The following FRAS1 variants were observed in gnomAD, a reference collection of about 807,000 sequenced individuals.
FRAS1 encodes extracellular matrix organizing protein FRAS1.
In FRAS1, 290 loss-of-function variants were observed where a neutral mutation model predicts 435.2. The observed-to-expected ratio is 0.67, with a 90% CI of 0.61 to 0.73. The LOEUF is 0.73. Among genes scored for constraint, FRAS1 ranks in the 30% least tolerant of loss-of-function variants. The pLI is 0.00. For synonymous variants in FRAS1, 1,800 were observed against 1,851.0 expected (o/e 0.97, Z 0.71); for missense variants, 4,860 against 5,001.5 (o/e 0.97, Z 0.85).
chr4:78,078,352 A>G (rs558801420), intron 2 of FRAS1, among the ~76,000 whole-genome samples: 2 of 152,280 alleles, frequency 1.3e-5, no homozygotes, highest in African/African-American at 4.8e-5. Flanking sequence ...TATACATTTA[A>G]TACATATTAC....
intron 2 of FRAS1, among the ~76,000 whole-genome samples, chr4:78,078,345 A>G (rs1444630168): frequency 2.0e-5 from 3 of 152,182 alleles, no homozygotes; most frequent in African/African-American, 7.2e-5. Flanking sequence ...GTTTGTCTAT[A>G]CATTTAATAC....
At chr4:78,167,131 A>G (rs183898577) in intron 2 of FRAS1, among the ~76,000 whole-genome samples, 61 of 152,318 alleles carry the variant, frequency 4.0e-4, no homozygotes, top group African/African-American at 1.4e-3. Flanking sequence ...TTGAAAAATC[A>G]AGGTAGGAGA....
Position 78,542,865 on chromosome 4 carries a change from T to G in FRAS1, c.*1741T>G, listed in dbSNP as rs772863115. 5 of 152,178 alleles carry G rather than the reference T, an allele frequency of 3.3e-5. No individual in the cohort carries two copies. The highest frequency in any genetic ancestry group is 6.5e-5 in the Admixed American group (1 of 15,278). The allele number at this position is 152,178 out of a possible 1,614,324, so 9.4% of individuals were successfully genotyped here. A position where few individuals can be genotyped will look rare whatever the true frequency, so the allele number is the denominator to read the frequency against. ...AGGAGAGAGGAAAACAATTATCTTCTCTACTTGGATTATGAGATAACCTTT... is the reference window on the plus strand; with the variant it reads ...AGGAGAGAGGAAAACAATTATCTTCGCTACTTGGATTATGAGATAACCTTT... On this transcript the variant is annotated 3_prime_UTR_variant, in exon 74 of 74. Transcript: ENST00000512123.
chr4:78,304,405 T>C (rs553125092), intron 14 of FRAS1, among the ~76,000 whole-genome samples: 397 of 152,344 alleles, frequency 2.6e-3, no homozygotes, highest in South Asian at 0.013. Flanking sequence ...CTTTTTCTAT[T>C]GATTGGAATA....
chr4:78,160,338 C>T (rs1721084900), intron 2 of FRAS1, among the ~76,000 whole-genome samples: 1 of 152,156 alleles, frequency 6.6e-6, no homozygotes. Flanking sequence ...TTAATTGGGC[C>T]CTCATAGTGT....
chr4:78,211,830 T>C (rs1723518326), intron 2 of FRAS1, among the ~76,000 whole-genome samples: 1 of 152,206 alleles, frequency 6.6e-6, no homozygotes, highest in South Asian at 2.1e-4. Context: ...ACAGAATCCC[T>C]GTAACCATTA....
intron 2 of FRAS1, among the ~76,000 whole-genome samples, chr4:78,199,012 G>T (rs1444500112): frequency 6.6e-6 from 1 of 152,182 alleles, no homozygotes; most frequent in Non-Finnish European, 1.5e-5. Flanking sequence ...AGAGTTATAC[G>T]TGGATTTTTG....
intron 31 of FRAS1, among the ~76,000 whole-genome samples, chr4:78,410,311 T>C (rs979001545): frequency 6.6e-6 from 1 of 151,984 alleles, no homozygotes; most frequent in Admixed American, 6.6e-5. Context: ...AAAAATACTT[T>C]ATGATTATTA....
intron 2 of FRAS1, among the ~76,000 whole-genome samples, chr4:78,111,927 T>G (rs1742738784): frequency 6.6e-6 from 1 of 152,088 alleles, no homozygotes; most frequent in Non-Finnish European, 1.5e-5. Context: ...ACACTTCTGA[T>G]GACATTGTTT....
intron 2 of FRAS1, among the ~76,000 whole-genome samples, chr4:78,174,533 C>T (rs1426509646): frequency 1.3e-5 from 2 of 152,166 alleles, no homozygotes; most frequent in Non-Finnish European, 2.9e-5. Flanking sequence ...TGGGATATAA[C>T]CAGTATGGAA....
intron 60 of FRAS1, among the ~76,000 whole-genome samples, chr4:78,498,691 A>G (rs962255756): frequency 2.0e-5 from 3 of 152,094 alleles, no homozygotes; most frequent in Admixed American, 6.5e-5. Flanking sequence ...GCCATATTCT[A>G]TGATATACTC....
intron 2 of FRAS1, among the ~76,000 whole-genome samples, chr4:78,148,122 G>A (rs1578152673): frequency 1.3e-5 from 2 of 152,126 alleles, no homozygotes; most frequent in Non-Finnish European, 2.9e-5. Context: ...GAAATGAGGA[G>A]TTATTTGGGA....
At chr4:78,323,586 G>A (rs1466510967) in intron 18 of FRAS1, among the ~76,000 whole-genome samples, 1 of 152,162 alleles carries the variant, frequency 6.6e-6, no homozygotes, top group Admixed American at 6.5e-5. Context: ...ATCTAGATGA[G>A]GTCTGTAGGG....
Position 78,286,315 on chromosome 4 carries a change from G to T in FRAS1, c.1400-90G>T, listed in dbSNP as rs1438455370. ...TTCTGTTTGGGACCTGGAGCCTCAA[G>T]ATTGGGCTGTGTAAGCACTGGCATG... On this transcript the variant is annotated intron_variant, in intron 13 of 73. Coordinates refer to ENST00000512123, the MANE Select transcript of FRAS1 (RefSeq NM_025074.7). 3.4e-6 allele frequency: 5 copies of T among 1,462,036 alleles called. No individual in the cohort carries two copies. In the African/African-American group the frequency reaches 7.0e-5, roughly 20 times the overall value. 90.6% of individuals were successfully genotyped at this position (1,462,036 alleles called of 1,614,324 possible).
At chr4:78,530,592 C>CT (rs1721680588) in intron 70 of FRAS1, among the ~76,000 whole-genome samples, 1 of 151,960 alleles carries the variant, frequency 6.6e-6, no homozygotes, top group African/African-American at 2.4e-5. Context: ...ATGCAGAAAA[C>CT]TGAAACTGGA....
At chr4:78,213,916 G>A (rs556463749) in intron 2 of FRAS1, among the ~76,000 whole-genome samples, 2 of 152,294 alleles carry the variant, frequency 1.3e-5, no homozygotes, top group Admixed American at 1.3e-4. Flanking sequence ...AAACACTCAT[G>A]TGTATAATTC....
chr4:78,308,234 C>A, intron 15 of FRAS1, 25 bp downstream of exon 15: 1 of 1,604,292 alleles, frequency 6.2e-7, no homozygotes, highest in Non-Finnish European at 8.5e-7. Flanking sequence ...GCGATGCTGA[C>A]GTGTCCTTTC....
intron 41 of FRAS1, among the ~76,000 whole-genome samples, chr4:78,443,137 C>G (rs1242880827): frequency 6.6e-6 from 1 of 152,128 alleles, no homozygotes; most frequent in Non-Finnish European, 1.5e-5. Flanking sequence ...TCGCTTGAGT[C>G]CATGTATTTG....
At chr4:78,518,893 T>G (rs1458057995) in intron 66 of FRAS1, among the ~76,000 whole-genome samples, 4 of 152,140 alleles carry the variant, frequency 2.6e-5, no homozygotes, top group Non-Finnish European at 5.9e-5. Flanking sequence ...GTGGGCATCT[T>G]CCTGATGATG....
Sources: gnomAD v4.1 joint callset for allele counts (sites outside exome capture counted in the v4.1 genomes callset) on GRCh38, gnomAD v4.1.1 for gene constraint, MANE v1.5 for transcripts, NCBI Gene and HGNC (gene_info 2026-07-23, HGNC 2026-07-21) for gene names.